The following DCAF4 variants were observed in gnomAD, a reference collection of about 807,000 sequenced individuals.
DCAF4 encodes the protein DDB1 and CUL4 associated factor 4.
Under a neutral mutation model 60.9 loss-of-function variants are expected in DCAF4, and 37 were observed. The ratio of observed to expected loss-of-function variants is 0.61; its 90% CI spans 0.47 to 0.80. The LOEUF is 0.80. DCAF4 is among the 30% of genes least tolerant of loss of function. DCAF4 has a pLI of 0.00. For synonymous variants in DCAF4, 243 were observed against 254.8 expected (o/e 0.95, Z 0.44); for missense variants, 577 against 650.0 (o/e 0.89, Z 1.22).
intron 8 of DCAF4, among the ~76,000 whole-genome samples, chr14:72,950,305 A>G (rs1422587119): frequency 6.6e-6 from 1 of 152,122 alleles, no homozygotes; most frequent in Admixed American, 6.5e-5. Flanking sequence ...AGGCAGGTGC[A>G]GGCTCTAGCC....
chr14:72,934,930 T>A (rs887652072), intron 1 of DCAF4: 1 of 152,208 alleles, frequency 6.6e-6, no homozygotes, highest in Admixed American at 6.5e-5. Context: ...TTTGTTTTGC[T>A]TTGCTTCAGT....
chr14:72,946,286 T>G (rs1890734334), intron 7 of DCAF4, among the ~76,000 whole-genome samples: 1 of 147,368 alleles, frequency 6.8e-6, no homozygotes, highest in South Asian at 2.1e-4. Flanking sequence ...TCCCAGCTGC[T>G]TGGGGGCTCG....
At position 72,953,727 on chromosome 14, in the gene DCAF4, AAAAAAATATATATATAT is replaced by A. The variant is rs1476008620; in HGVS notation, c.809-435_809-419del. ...CCTGTCTTAAAAAAAAAAAAAAAAAAAAAAAATATATATATATATATATATATATATATATAGTTTAT... is the reference window on the plus strand; with the variant it reads ...CCTGTCTTAAAAAAAAAAAAAAAAAAATATATATATATATATATAGTTTAT... On this transcript the variant is annotated intron_variant, in intron 9 of 13. Transcript: ENST00000358377. Among the ~76,000 whole-genome samples the A allele has an allele frequency of 5.9e-4, 28 of 47,368 alleles. 3 individuals are homozygous for A. The highest frequency in any genetic ancestry group is 2.8e-3 in the African/African-American group (28 of 10,154). 31.1% of individuals were successfully genotyped at this position (47,368 alleles called of 152,430 possible). A position where few individuals can be genotyped will look rare whatever the true frequency, so the allele number is the denominator to read the frequency against.
chr14:72,955,795 A>C, intron 12 of DCAF4, 99 bp downstream of exon 12: 1 of 1,176,118 alleles, frequency 8.5e-7, no homozygotes, highest in Middle Eastern at 2.3e-4. Flanking sequence ...CCAAGACCCC[A>C]GGCAGGGGAA....
Position 72,954,461 on chromosome 14 carries a change from T to G in DCAF4, c.983T>G (p.Leu328Trp), listed in dbSNP as rs770553929. ...TCCTTTGGGACCAACAGTGATGTCT[T>G]GGCCCAGCAGTTTGCTCTCATGGTT... Reference protein sequence around the residue: ...RQSFGTNSDVLAQQFALMAPL... With the variant: ...RQSFGTNSDVWAQQFALMAPL... The change falls in exon 11 of 14, where the codon TTG becomes TGG. Residue 328 changes from leucine to tryptophan, a missense_variant. Physicochemically the swap from Leu to Trp is moderately conservative, Grantham distance 61. Transcript: ENST00000358377. The G allele has an allele frequency of 6.2e-7, 1 of 1,614,238 alleles. No homozygotes were observed. Among genetic ancestry groups the G allele is most frequent in the East Asian group, 2.2e-5 (1 of 44,880 alleles).
At chr14:72,955,043 G>A (rs1490527342) in intron 11 of DCAF4, among the ~76,000 whole-genome samples, 1 of 151,604 alleles carries the variant, frequency 6.6e-6, no homozygotes, top group African/African-American at 2.4e-5. Flanking sequence ...CCCGGGAGGC[G>A]GAGGTTGCAG....
In DCAF4 at chr14:72,943,090, C is replaced by T. The variant is rs763927482; in HGVS notation, c.528C>T (p.Leu176=). Residue 176 remains leucine (L), a synonymous_variant, in exon 6 of 14, where the codon CTC becomes CTT. Transcript: ENST00000358377. ...PSALASDRFN[L]ILADTNSDRL... ...CCTTGGCAAGCGACCGATTTAACCT[C>T]ATACTGGTGAGTGGGAGGGGGACAC... 1.9e-6 allele frequency: 3 copies of T among 1,614,094 alleles called. No homozygotes were observed. In the South Asian group the frequency reaches 3.3e-5, roughly 18 times the overall value.
chr14:72,960,714 C>G, downstream of DCAF4: 1 of 1,056,626 alleles, frequency 9.5e-7, no homozygotes, highest in African/African-American at 1.7e-5. Flanking sequence ...AGTGCTGCCT[C>G]CATTTCCAGC....
chr14:72,952,218 C>T (rs1216362973), intron 9 of DCAF4, among the ~76,000 whole-genome samples: 1 of 152,200 alleles, frequency 6.6e-6, no homozygotes, highest in East Asian at 1.9e-4. Flanking sequence ...AACAGTCTGC[C>T]TACGTTAAGG....
intron 1 of DCAF4, chr14:72,929,848 C>T (rs754517055): frequency 3.8e-5 from 55 of 1,461,886 alleles, no homozygotes; most frequent in Non-Finnish European, 1.7e-5. Flanking sequence ...CCCGCGGCGG[C>T]GGCTGTGCCT....
chr14:72,937,479 A>C (rs543033581), intron 1 of DCAF4, among the ~76,000 whole-genome samples: 3 of 131,452 alleles, frequency 2.3e-5, no homozygotes, highest in African/African-American at 8.6e-5. Context: ...GTTTACAGTG[A>C]GCACAATCTC....
chr14:72,927,572 C>CACA (rs1397112979), intron 1 of DCAF4, among the ~76,000 whole-genome samples: 32 of 151,712 alleles, frequency 2.1e-4, no homozygotes, highest in Non-Finnish European at 4.4e-4. Flanking sequence ...AGGATGGTCT[C>CACA]GATCTCCTGA....
intron 11 of DCAF4, among the ~76,000 whole-genome samples, chr14:72,955,191 G>T (rs7142775): frequency 0.083 from 12,514 of 151,670 alleles, 649 homozygotes; most frequent in East Asian, 0.19. Flanking sequence ...AAAAGTGAAT[G>T]AACCCACTAA....
At chr14:72,940,594 T>G (rs1567305969) in intron 4 of DCAF4, 3 of 424,104 alleles carry the variant, frequency 7.1e-6, no homozygotes, top group East Asian at 4.7e-5. Context: ...ATAAGTTGTT[T>G]TTTTTTTTTT....
chr14:72,944,964 C>T (rs1231451247), intron 6 of DCAF4, among the ~76,000 whole-genome samples: 3 of 150,950 alleles, frequency 2.0e-5, no homozygotes, highest in Non-Finnish European at 3.0e-5. Flanking sequence ...TGGTGCGCAC[C>T]TGTAGTCCCA....
In DCAF4 at chr14:72,953,722, AAAAAAAAAAAATATAT is replaced by A. The variant is rs1239954802; in HGVS notation, c.809-440_809-425del. Among the ~76,000 whole-genome samples, 94 of 50,176 alleles carry A rather than the reference AAAAAAAAAAAATATAT, an allele frequency of 1.9e-3. 5 individuals are homozygous for A. Among genetic ancestry groups the A allele is most frequent in the African/African-American group, 6.6e-3 (65 of 9,848 alleles). The allele number at this position is 50,176 out of a possible 152,430, so 32.9% of individuals were successfully genotyped here. A position where few individuals can be genotyped will look rare whatever the true frequency, so the allele number is the denominator to read the frequency against. On this transcript the variant is annotated intron_variant, in intron 9 of 13. Transcript: ENST00000358377. Reference sequence around the variant, plus strand: ...AAGACCCTGTCTTAAAAAAAAAAAAAAAAAAAAAAAATATATATATATATATATATATATATATATA... The same window carrying A: ...AAGACCCTGTCTTAAAAAAAAAAAAAATATATATATATATATATATATATA...
Position 72,952,143 on chromosome 14 carries a change from C to T in DCAF4, c.808+266C>T, listed in dbSNP as rs149605432. Among the ~76,000 whole-genome samples, 91 of 152,316 alleles carry T rather than the reference C, an allele frequency of 6.0e-4. No homozygotes were observed. The East Asian group carries it at 0.016, about 27-fold the overall frequency. On this transcript the variant is annotated intron_variant, in intron 9 of 13. Coordinates refer to ENST00000358377, the MANE Select transcript of DCAF4 (RefSeq NM_015604.4). ...TGAGCTCAGAACAGATTCGGACGCC[C>T]GTGCACATCATTCAGAAAACACCTC...
At chr14:72,954,667 AG>A (rs1892037430) in intron 11 of DCAF4, among the ~76,000 whole-genome samples, 184 bp downstream of exon 11, 1 of 151,974 alleles carries the variant, frequency 6.6e-6, no homozygotes, top group Middle Eastern at 3.2e-3. Flanking sequence ...TGATCCAGAA[AG>A]GCTGGCCTGA....
chr14:72,960,668 G>A (rs1219983213), downstream of DCAF4: 3 of 1,065,412 alleles, frequency 2.8e-6, no homozygotes, highest in East Asian at 1.6e-4. Flanking sequence ...AAAGGACAGA[G>A]ATACCTCAAC....
Sources: allele counts gnomAD v4.1 joint callset (sites outside exome capture counted in the v4.1 genomes callset), GRCh38; gene constraint gnomAD v4.1.1; transcripts MANE v1.5; gene names NCBI Gene and HGNC (gene_info 2026-07-23, HGNC 2026-07-21).